Variants in CARMIL1 observed in about 807,000 individuals in gnomAD.
The protein encoded by CARMIL1 is F-actin-uncapping protein LRRC16A.
Under a neutral mutation model 177.1 loss-of-function variants are expected in CARMIL1, and 90 were observed. The observed-to-expected ratio is 0.51, with a 90% CI of 0.43 to 0.61. The LOEUF is 0.61. Ranked by LOEUF, CARMIL1 falls within the 20% of genes least tolerant of loss-of-function variation. CARMIL1 has a pLI of 0.00. For missense variants in CARMIL1, 1,380 were observed against 1,667.0 expected (o/e 0.83, Z 3.00); for synonymous variants, 577 against 606.2 (o/e 0.95, Z 0.71).
intron 2 of CARMIL1, among the ~76,000 whole-genome samples, chr6:25,347,212 C>G (rs1181920226): frequency 2.0e-5 from 3 of 152,184 alleles, no homozygotes; most frequent in Admixed American, 2.0e-4. Flanking sequence ...AGTTCTACCT[C>G]TCTTGTTTGG....
chr6:25,390,350 C>T (rs568551023), intron 2 of CARMIL1, among the ~76,000 whole-genome samples: 2 of 112,968 alleles, frequency 1.8e-5, no homozygotes, highest in Admixed American at 1.2e-4. Flanking sequence ...GAGACAGGGT[C>T]TCAGTCTGTC....
chr6:25,287,380 T>C (rs968602944), intron 2 of CARMIL1: 4 of 152,256 alleles, frequency 2.6e-5, no homozygotes, highest in African/African-American at 9.6e-5. Context: ...GTAGAGGGCT[T>C]ATCTTCATCT....
At chr6:25,475,417 G>T (rs1801464763) in intron 11 of CARMIL1, among the ~76,000 whole-genome samples, 1 of 150,296 alleles carries the variant, frequency 6.7e-6, no homozygotes, top group South Asian at 2.1e-4. Context: ...AAAAAAAAAA[G>T]TTAAACTCAA....
chr6:25,436,138 T>G (rs1248396322), intron 5 of CARMIL1, among the ~76,000 whole-genome samples: 1 of 152,200 alleles, frequency 6.6e-6, no homozygotes, highest in African/African-American at 2.4e-5. Flanking sequence ...TGCCCTCATA[T>G]TTTTTGTTAA....
chr6:25,303,249 TTTA>T (rs1783011889), intron 2 of CARMIL1, among the ~76,000 whole-genome samples: 1 of 152,184 alleles, frequency 6.6e-6, no homozygotes, highest in Non-Finnish European at 1.5e-5. Flanking sequence ...GTGATTTTAT[TTTA>T]TTATTTTTTA....
chr6:25,609,914 C>G (rs1816360576), intron 35 of CARMIL1, 136 bp from the exon 36 acceptor site: 1 of 1,003,322 alleles, frequency 1.0e-6, no homozygotes, highest in African/African-American at 1.7e-5. Flanking sequence ...AAACACAAAA[C>G]TAATTTTTGG....
At chr6:25,306,312 T>C (rs971986874) in intron 2 of CARMIL1, among the ~76,000 whole-genome samples, 1 of 152,100 alleles carries the variant, frequency 6.6e-6, no homozygotes, top group Non-Finnish European at 1.5e-5. Flanking sequence ...GAGCGGCAGG[T>C]AAGTGAGCAT....
At chr6:25,379,771 G>A (rs148478799) in intron 2 of CARMIL1, among the ~76,000 whole-genome samples, 141 of 152,210 alleles carry the variant, frequency 9.3e-4, no homozygotes, top group African/African-American at 3.3e-3. Context: ...TAGCCTTTTA[G>A]CCTGGTTAAG....
chr6:25,552,294 A>G (rs889753092), intron 27 of CARMIL1, among the ~76,000 whole-genome samples: 7 of 152,152 alleles, frequency 4.6e-5, no homozygotes, highest in Non-Finnish European at 5.9e-5. Flanking sequence ...ATTGGCCACT[A>G]TTCTTTCATA....
At chr6:25,397,371 A>C (rs771482633) in intron 2 of CARMIL1, among the ~76,000 whole-genome samples, 1 of 152,128 alleles carries the variant, frequency 6.6e-6, no homozygotes, top group Non-Finnish European at 1.5e-5. Context: ...GGCATCTTCA[A>C]GCAGGTGGTC....
At chr6:25,396,861 G>A (rs1053326320) in intron 2 of CARMIL1, among the ~76,000 whole-genome samples, 6 of 152,078 alleles carry the variant, frequency 3.9e-5, no homozygotes, top group Non-Finnish European at 7.4e-5. Context: ...GAGGACAAGG[G>A]GCTCACCCAA....
chr6:25,360,748 G>C (rs1402283264), intron 2 of CARMIL1, among the ~76,000 whole-genome samples: 1 of 152,152 alleles, frequency 6.6e-6, no homozygotes, highest in Non-Finnish European at 1.5e-5. Context: ...CTTCCCAACT[G>C]ATGTCTTAGC....
At position 25,515,718 on chromosome 6, in the gene CARMIL1, A is replaced by G; in HGVS notation, c.1676A>G (p.Glu559Gly). Residue 559 changes from glutamate (E) to glycine (G), a missense_variant, in exon 21 of 37, where the codon GAG (glutamate) becomes GGG (glycine). Coordinates refer to ENST00000329474, the MANE Select transcript of CARMIL1 (RefSeq NM_017640.6). The surrounding 1 kb of genome is among the most constrained non-coding windows in gnomAD (Gnocchi z 5.0). The stretch of plus-strand genomic sequence containing the variant: ...CTGGCTGACTCGAAACTCAAGACTG[A>G]GGTCACCATCATCATCAATGCCCTG... ...LSLADSKLKT[E>G]VTIIINALGS... 1.9e-6 allele frequency: 3 copies of G among 1,609,588 alleles called. No individual in the cohort carries two copies. Among genetic ancestry groups the G allele is most frequent in the Non-Finnish European group, 2.5e-6 (3 of 1,178,202 alleles).
chr6:25,604,833 T>C lies in CARMIL1; in HGVS notation c.3574T>C (p.Ser1192Pro). 1 of 1,594,662 alleles carries C rather than the reference T, an allele frequency of 6.3e-7. No homozygotes were observed. The highest frequency in any genetic ancestry group is 8.5e-7 in the Non-Finnish European group (1 of 1,170,924). Residue 1192 changes from serine to proline, a missense_variant, in exon 34 of 37, where the codon TCC becomes CCC. Coordinates refer to ENST00000329474, the MANE Select transcript of CARMIL1 (RefSeq NM_017640.6). ...AQKKLGNDAV[S>P]QDSSSPALSG... Reference sequence around the variant, plus strand: ...TTAGAAGCTTGGGAATGATGCCGTATCCCAGGATTCTTCCAGCCCAGCTTT... The same window carrying C: ...TTAGAAGCTTGGGAATGATGCCGTACCCCAGGATTCTTCCAGCCCAGCTTT...
At chr6:25,581,475 C>T in intron 31 of CARMIL1, 36 bp downstream of exon 31, 2 of 1,547,632 alleles carry the variant, frequency 1.3e-6, no homozygotes, top group Non-Finnish European at 1.7e-6. Flanking sequence ...ATCTCTCCCA[C>T]ACCCTTTTCT....
rs1287369417 is a variant in CARMIL1, at chr6:25,326,912, C to T, written c.138+42003C>T. On this transcript the variant is annotated intron_variant, in intron 2 of 36. Coordinates refer to ENST00000329474, the MANE Select transcript of CARMIL1 (RefSeq NM_017640.6). The surrounding 1 kb of genome is among the most constrained non-coding windows in gnomAD (Gnocchi z 4.2). ...TGGCTCACTGCAACCTGATAAGGAC[C>T]TTGTTTATTGTGATGAGGGAGACTG... Among the ~76,000 whole-genome samples, 1 of 151,998 alleles carries T rather than the reference C, an allele frequency of 6.6e-6. No homozygotes were observed. Among genetic ancestry groups the T allele is most frequent in the Non-Finnish European group, 1.5e-5 (1 of 68,020 alleles).
chr6:25,537,777 T>G, intron 24 of CARMIL1, 78 bp from the exon 25 acceptor site: 1 of 1,540,158 alleles, frequency 6.5e-7, no homozygotes, highest in Non-Finnish European at 8.8e-7. Flanking sequence ...TTTTTCATAC[T>G]CCTTCGTTCT....
intron 2 of CARMIL1, among the ~76,000 whole-genome samples, chr6:25,286,673 C>A (rs1420896620): frequency 6.6e-6 from 1 of 152,148 alleles, no homozygotes; most frequent in East Asian, 1.9e-4. Context: ...GAATCAACTT[C>A]TCTACAACTT....
intron 17 of CARMIL1, among the ~76,000 whole-genome samples, chr6:25,503,328 A>G (rs1804594307): frequency 6.6e-6 from 1 of 152,240 alleles, no homozygotes; most frequent in African/African-American, 2.4e-5. Context: ...TTGATGCATG[A>G]AAGTTGGTAA....
Sources: allele counts gnomAD v4.1 joint callset (sites outside exome capture counted in the v4.1 genomes callset), GRCh38; gene constraint gnomAD v4.1.1; non-coding constraint Gnocchi (gnomAD v3.1); transcripts MANE v1.5; gene names NCBI Gene and HGNC (gene_info 2026-07-23, HGNC 2026-07-21).